BCKDHA: variants seen among roughly 807,000 people sequenced by gnomAD.
BCKDHA encodes branched chain keto acid dehydrogenase E1 subunit alpha, also known as 2-oxoisovalerate dehydrogenase subunit alpha, mitochondrial.
In BCKDHA, 43 loss-of-function variants were observed where a neutral mutation model predicts 52.2. The observed-to-expected ratio is 0.82, with a 90% CI of 0.64 to 1.06. The LOEUF (loss-of-function observed/expected upper bound fraction) is 1.06. Among genes scored for constraint, BCKDHA ranks in the 50% least tolerant of loss-of-function variants. The pLI, the probability that BCKDHA is intolerant of heterozygous loss-of-function variation, is 0.00. For synonymous variants in BCKDHA, 234 were observed against 247.9 expected (o/e 0.94, Z 0.53); for missense variants, 527 against 621.3 (o/e 0.85, Z 1.61).
At chr19:41,406,266 G>A (rs1443220095) in intron 1 of BCKDHA, among the ~76,000 whole-genome samples, 2 of 152,154 alleles carry the variant, frequency 1.3e-5, no homozygotes, top group Non-Finnish European at 2.9e-5. Context: ...CTGACACAGT[G>A]GTTTGTTCTC....
intron 8 of BCKDHA, 44 bp from the exon 9 acceptor site, chr19:41,424,394 C>A: frequency 1.2e-6 from 2 of 1,611,598 alleles, no homozygotes; most frequent in Non-Finnish European, 1.7e-6. Context: ...CAGGGTCCTG[C>A]ATGGGAGGCC....
rs187669174 is a variant in BCKDHA, at chr19:41,422,666, C to T, written c.891C>T (p.Arg297=). The change falls in exon 7 of 9, where the codon CGC becomes CGT. Residue 297 remains arginine (R), a synonymous_variant. Transcript: ENST00000269980. ...CCGGGTATGGCATCATGTCAATCCG[C>T]GTGGATGGTAATGATGTGTTTGCCG... ...RGPGYGIMSI[R]VDGNDVFAVY... 4.9e-5 allele frequency: 79 copies of T among 1,614,118 alleles called. No individual in the cohort carries two copies. The East Asian group carries it at 1.0e-3, about 20-fold the overall frequency.
intron 1 of BCKDHA, among the ~76,000 whole-genome samples, chr19:41,405,441 C>A (rs754194562): frequency 4.6e-5 from 7 of 151,916 alleles, no homozygotes; most frequent in Non-Finnish European, 1.5e-5. Context: ...TGTGCACCAC[C>A]ATGCCCAGCT....
intron 5 of BCKDHA, among the ~76,000 whole-genome samples, chr19:41,420,844 C>A (rs1193736575): frequency 6.6e-6 from 1 of 152,202 alleles, no homozygotes; most frequent in East Asian, 1.9e-4. Flanking sequence ...CAGGCCTGCA[C>A]CCTCATAGTG....
Position 41,424,521 on chromosome 19 carries a change from C to A in BCKDHA, c.1251C>A (p.Pro417=). ...LLFSDVYQEM[P]AQLRKQQESL... The stretch of plus-strand genomic sequence containing the variant: ...TCTCAGACGTGTATCAGGAGATGCC[C>A]GCCCAGCTCCGCAAGCAGCAGGAGT... Residue 417 remains proline, a synonymous_variant, in exon 9 of 9, where the codon CCC becomes CCA. Transcript: ENST00000269980. 1 of 1,614,116 alleles carries A rather than the reference C, an allele frequency of 6.2e-7. No individual in the cohort carries two copies. Among genetic ancestry groups the A allele is most frequent in the Non-Finnish European group, 8.5e-7 (1 of 1,180,004 alleles).
chr19:41,419,363 CT>C, intron 5 of BCKDHA, 67 bp downstream of exon 5: 2 of 1,542,758 alleles, frequency 1.3e-6, no homozygotes, highest in Non-Finnish European at 1.8e-6. Flanking sequence ...CAGGCCTCAG[CT>C]CTTTTGCCTG....
In BCKDHA at chr19:41,414,123, C is replaced by G. The variant is rs779574099; in HGVS notation, c.450C>G (p.Asn150Lys). The change falls in exon 4 of 9, where the codon AAC becomes AAG. Residue 150 changes from asparagine to lysine, a missense_variant. Physicochemically the swap from Asn to Lys is moderately conservative, Grantham distance 94 (BLOSUM62 0). Coordinates refer to ENST00000269980, the MANE Select transcript of BCKDHA (RefSeq NM_000709.4). ...THVGSAAALD[N>K]TDLVFGQYRE... ...TGGGGAGTGCCGCCGCCCTGGACAA[C>G]ACGGACCTGGTGTTTGGCCAGTACC... 6.2e-7 allele frequency: 1 copy of G among 1,613,726 alleles called. No homozygotes were observed. The highest frequency in any genetic ancestry group is 8.5e-7 in the Non-Finnish European group (1 of 1,180,030).
At chr19:41,415,562 G>T (rs1283395630) in intron 4 of BCKDHA, 1 of 152,252 alleles carries the variant, frequency 6.6e-6, no homozygotes, top group East Asian at 1.9e-4. Flanking sequence ...GACGCTGTCT[G>T]TCGTCTGTGA....
chr19:41,401,916 T>G (rs917394654), intron 1 of BCKDHA, among the ~76,000 whole-genome samples: 1 of 152,180 alleles, frequency 6.6e-6, no homozygotes, highest in African/African-American at 2.4e-5. Context: ...ACTCAGTGTA[T>G]GTATTAGTCC....
intron 5 of BCKDHA, among the ~76,000 whole-genome samples, chr19:41,421,652 T>G (rs2039366520): frequency 6.6e-6 from 1 of 151,960 alleles, no homozygotes; most frequent in South Asian, 2.1e-4. Context: ...GGGTGGGGCC[T>G]CAAGGCCTTT....
chr19:41,419,746 CTTTTTTTTTTTTT>C (rs201343587), intron 5 of BCKDHA, among the ~76,000 whole-genome samples: 1 of 127,958 alleles, frequency 7.8e-6, no homozygotes, highest in Non-Finnish European at 1.7e-5. Context: ...GCCCAGCCCA[CTTTTTTTTTTTTT>C]TTTTTTTTTT....
chr19:41,422,842 A>C, intron 7 of BCKDHA, 72 bp downstream of exon 7: 1 of 1,606,368 alleles, frequency 6.2e-7, no homozygotes, highest in Non-Finnish European at 8.5e-7. Flanking sequence ...CATATCGATC[A>C]CTGTCTCCAA....
intron 3 of BCKDHA, among the ~76,000 whole-genome samples, chr19:41,412,616 G>C (rs145088243): frequency 0.027 from 4,149 of 151,784 alleles, 168 homozygotes; most frequent in African/African-American, 0.094. Context: ...TACCTCAGGT[G>C]ATCTGCCTGC....
intron 1 of BCKDHA, among the ~76,000 whole-genome samples, chr19:41,398,190 A>G (rs1028146624): frequency 1.4e-4 from 21 of 152,120 alleles, no homozygotes; most frequent in Admixed American, 3.3e-4. Flanking sequence ...CGACTTGAAG[A>G]GAGAGATGGG....
In BCKDHA at chr19:41,424,468, A is replaced by G; in HGVS notation, c.1198A>G (p.Lys400Glu). The G allele has an allele frequency of 6.2e-7, 1 of 1,614,138 alleles. No individual in the cohort carries two copies. Among genetic ancestry groups the G allele is most frequent in the Non-Finnish European group, 8.5e-7 (1 of 1,180,032 alleles). ...VMEAFEQAER[K>E]PKPNPNLLFS... ...GGAGGCCTTTGAGCAGGCCGAGCGG[A>G]AGCCCAAACCCAACCCCAACCTACT... Residue 400 changes from lysine (K) to glutamate (E), a missense_variant, in exon 9 of 9, where the codon AAG becomes GAG. Lys to Glu is a moderately conservative substitution (Grantham distance 56, BLOSUM62 1). Transcript: ENST00000269980.
Position 41,414,043 on chromosome 19 carries a change from C to T in BCKDHA, c.376-6C>T. The T allele has an allele frequency of 6.2e-7, 1 of 1,612,848 alleles. No individual in the cohort carries two copies. Among genetic ancestry groups the T allele is most frequent in the South Asian group, 1.1e-5 (1 of 91,058 alleles). On this transcript the variant is annotated splice_polypyrimidine_tract_variant and splice_region_variant and intron_variant, in intron 3 of 8. Transcript: ENST00000269980. Reference sequence around the variant, plus strand: ...TGTGGGACCCCGGTCCCCTCTACACCCCCAGGGCCGGATCTCCTTCTACAT... The same window carrying T: ...TGTGGGACCCCGGTCCCCTCTACACTCCCAGGGCCGGATCTCCTTCTACAT...
intron 4 of BCKDHA, among the ~76,000 whole-genome samples, chr19:41,418,111 A>G (rs955503668): frequency 1.3e-5 from 2 of 151,558 alleles, no homozygotes; most frequent in Non-Finnish European, 2.9e-5. Context: ...AAAAAAAAAA[A>G]AAAAAGGTAA....
intron 1 of BCKDHA, among the ~76,000 whole-genome samples, chr19:41,399,153 C>G (rs1351600537): frequency 6.6e-6 from 1 of 151,978 alleles, no homozygotes; most frequent in Admixed American, 6.6e-5. Context: ...AAGATGGAAT[C>G]TGTAGAAAGA....
At chr19:41,414,514 C>T (rs144969732) in intron 4 of BCKDHA, among the ~76,000 whole-genome samples, 7 of 152,268 alleles carry the variant, frequency 4.6e-5, no homozygotes, top group African/African-American at 7.2e-5. Flanking sequence ...AGTCAACGTT[C>T]GCTGTGGGTG....
Sources: gnomAD v4.1 joint callset for allele counts (sites outside exome capture counted in the v4.1 genomes callset) on GRCh38, gnomAD v4.1.1 for gene constraint, MANE v1.5 for transcripts, NCBI Gene and HGNC (gene_info 2026-07-23, HGNC 2026-07-21) for gene names.